SYN2: variants seen among roughly 807,000 people sequenced by gnomAD.
SYN2 encodes synapsin-2.
In SYN2, 19 loss-of-function variants were observed where a neutral mutation model predicts 50.9. That is an observed-to-expected ratio of 0.37 (90% CI 0.26 to 0.55). The LOEUF is 0.55. Among genes scored for constraint, SYN2 ranks in the 20% least tolerant of loss-of-function variants. SYN2 has a pLI of 0.81. For missense variants in SYN2, 587 were observed against 576.4 expected, an observed-to-expected ratio of 1.02 and a Z score of -0.19; for synonymous variants, 255 against 224.9, an observed-to-expected ratio of 1.13 and a Z score of -1.20.
intron 1 of SYN2, among the ~76,000 whole-genome samples, chr3:12,040,277 T>C (rs1694583004): frequency 6.6e-6 from 1 of 152,086 alleles, no homozygotes. Flanking sequence ...AGAGTGGTAA[T>C]AGGAGGCAGG....
intron 1 of SYN2, among the ~76,000 whole-genome samples, chr3:12,135,631 T>C (rs1407080080): frequency 6.6e-6 from 1 of 152,134 alleles, no homozygotes; most frequent in African/African-American, 2.4e-5. Flanking sequence ...AGCTCCAATA[T>C]AGACAGAGAT....
At chr3:12,116,268 A>T (rs977573699) in intron 1 of SYN2, among the ~76,000 whole-genome samples, 1 of 152,178 alleles carries the variant, frequency 6.6e-6, no homozygotes, top group Non-Finnish European at 1.5e-5. Context: ...TTTTGTAAGG[A>T]TGCTGTATTT....
At chr3:12,088,130 C>T (rs930750138) in intron 1 of SYN2, among the ~76,000 whole-genome samples, 3 of 152,128 alleles carry the variant, frequency 2.0e-5, no homozygotes, top group Non-Finnish European at 4.4e-5. Flanking sequence ...GAGACAACCA[C>T]GGATTGGGAG....
chr3:12,173,164 A>G (rs1238563274), intron 10 of SYN2, among the ~76,000 whole-genome samples: 1 of 152,198 alleles, frequency 6.6e-6, no homozygotes, highest in Non-Finnish European at 1.5e-5. Flanking sequence ...GCCACCCAGA[A>G]GGCAGAAGAC....
At chr3:12,093,594 A>G (rs1695872791) in intron 1 of SYN2, among the ~76,000 whole-genome samples, 1 of 152,198 alleles carries the variant, frequency 6.6e-6, no homozygotes, top group Non-Finnish European at 1.5e-5. Context: ...TTCAGCTGTA[A>G]CAAGGAAACT....
At chr3:12,153,179 C>A in intron 5 of SYN2, 1 of 392,692 alleles carries the variant, frequency 2.5e-6, no homozygotes, top group Non-Finnish European at 4.8e-6. Context: ...CGCCATTTCT[C>A]CCCTACCAGA....
intron 5 of SYN2, chr3:12,153,521 C>G: frequency 6.2e-7 from 1 of 1,613,280 alleles, no homozygotes; most frequent in Non-Finnish European, 8.5e-7. Flanking sequence ...CCTACTAGGG[C>G]TGAACGATGT....
chr3:12,147,432 G>A (rs1697177523), intron 4 of SYN2, among the ~76,000 whole-genome samples: 1 of 152,116 alleles, frequency 6.6e-6, no homozygotes, highest in Non-Finnish European at 1.5e-5. Context: ...CCTTCTGCGT[G>A]GCCTGAGGCA....
chr3:12,065,450 A>G (rs774989551), intron 1 of SYN2, among the ~76,000 whole-genome samples: 5 of 152,190 alleles, frequency 3.3e-5, no homozygotes, highest in African/African-American at 1.2e-4. Flanking sequence ...TGGAATCAAC[A>G]TAGGTGCTCA....
At chr3:12,174,901 G>T (rs1009939767) in intron 10 of SYN2, among the ~76,000 whole-genome samples, 1 of 152,160 alleles carries the variant, frequency 6.6e-6, no homozygotes, top group Admixed American at 6.5e-5. Context: ...CTCACTATCA[G>T]TTGAGATTAT....
chr3:12,098,922 A>G (rs1215098929), intron 1 of SYN2, among the ~76,000 whole-genome samples: 1 of 149,934 alleles, frequency 6.7e-6, no homozygotes, highest in Non-Finnish European at 1.5e-5. Context: ...TGACTGTGCC[A>G]ATATTAGACA....
At chr3:12,035,004 G>A (rs960357701) in intron 1 of SYN2, among the ~76,000 whole-genome samples, 5 of 152,160 alleles carry the variant, frequency 3.3e-5, no homozygotes, top group South Asian at 2.1e-4. Context: ...TCTTCCAGCC[G>A]TGAGCCTGTG....
intron 8 of SYN2, among the ~76,000 whole-genome samples, 192 bp downstream of exon 8, chr3:12,167,500 G>C (rs1026213970): frequency 2.0e-5 from 3 of 152,170 alleles, no homozygotes; most frequent in African/African-American, 7.2e-5. Context: ...TAGAGTTAAA[G>C]ACTGCACATA....
intron 1 of SYN2, among the ~76,000 whole-genome samples, chr3:12,119,525 C>A (rs888750075): frequency 1.3e-5 from 2 of 152,148 alleles, no homozygotes; most frequent in Admixed American, 1.3e-4. Context: ...CTTTTTCCCC[C>A]CTAACAGCTG....
intron 1 of SYN2, among the ~76,000 whole-genome samples, chr3:12,076,135 A>G (rs1695462213): frequency 6.6e-6 from 1 of 152,126 alleles, no homozygotes; most frequent in South Asian, 2.1e-4. Context: ...CTCGCTGCAA[A>G]GTTCATGCTT....
intron 1 of SYN2, among the ~76,000 whole-genome samples, chr3:12,131,230 TAAAAG>T (rs1195127526): frequency 3.3e-5 from 5 of 152,226 alleles, no homozygotes; most frequent in Admixed American, 6.5e-5. Flanking sequence ...GAAGCAGACT[TAAAAG>T]AAGAGATACT....
chr3:12,025,041 G>A (rs963752019), intron 1 of SYN2, among the ~76,000 whole-genome samples: 2 of 152,176 alleles, frequency 1.3e-5, no homozygotes, highest in Non-Finnish European at 2.9e-5. Flanking sequence ...GGGTGCCAGC[G>A]TGATTGGGTT....
At chr3:12,109,564 T>C (rs758831240) in intron 1 of SYN2, among the ~76,000 whole-genome samples, 1 of 152,246 alleles carries the variant, frequency 6.6e-6, no homozygotes, top group Non-Finnish European at 1.5e-5. Context: ...GCCTGCCATT[T>C]AGTTAGCGCT....
At chr3:12,188,303 C>G (rs1698385121) in intron 12 of SYN2, among the ~76,000 whole-genome samples, 1 of 152,258 alleles carries the variant, frequency 6.6e-6, no homozygotes. Context: ...AGCAGCAGAG[C>G]TGTCTTTGGG....
Sources: gnomAD v4.1 joint callset for allele counts (sites outside exome capture counted in the v4.1 genomes callset) on GRCh38, gnomAD v4.1.1 for gene constraint, MANE v1.5 for transcripts, NCBI Gene and HGNC (gene_info 2026-07-23, HGNC 2026-07-21) for gene names.